The following SPDYE18 variants were observed in gnomAD, a reference collection of about 807,000 sequenced individuals.
SPDYE18 encodes speedy/RINGO cell cycle regulator family member E18, also known as speedy protein E18.
In SPDYE18, 6 loss-of-function variants were observed where a neutral mutation model predicts 44.9. The ratio of observed to expected loss-of-function variants is 0.13; its 90% CI spans 0.07 to 0.26. SPDYE18 has a LOEUF of 0.26. SPDYE18 is among the 10% of genes least tolerant of loss of function. SPDYE18 has a pLI of 1.00. For synonymous variants in SPDYE18, 35 were observed against 177.1 expected (o/e 0.20, Z 6.37); for missense variants, 121 against 463.2 (o/e 0.26, Z 6.78).
intron 1 of SPDYE18, among the ~76,000 whole-genome samples, chr7:77,062,095 TC>T (rs1380870132): frequency 7.2e-6 from 1 of 138,910 alleles, no homozygotes. Context: ...ACCATTGTGC[TC>T]CAGCCTGGGC....
chr7:77,060,355 G>T lies in SPDYE18; in HGVS notation c.158C>A (p.Ser53Ter), dbSNP rs1312478037. 7.8e-6 allele frequency: 12 copies of T among 1,535,240 alleles called. No individual in the cohort carries two copies. Among genetic ancestry groups the T allele is most frequent in the Non-Finnish European group, 1.0e-5 (12 of 1,146,846 alleles). Residue 53 changes from serine (S) to a stop codon, truncating the protein, a stop_gained and splice_region_variant, in exon 2 of 9, where the codon TCA (serine) becomes TAA (stop). Coordinates refer to ENST00000510091, the MANE Select transcript of SPDYE18 (RefSeq NM_001394953.1). LOFTEE classifies it high-confidence loss of function. The part of the protein sequence containing the change: ...EVVDDEVLGP[S>*]APGVDPSPPC... The stretch of plus-strand genomic sequence containing the variant: ...TCTTCTTCCACCAGTCCCCTCACCT[G>T]ATGGTCCCAACACTTCATCATCCAC...
At chr7:77,060,207 G>C in intron 2 of SPDYE18, 146 bp downstream of exon 2, 1 of 1,414,986 alleles carries the variant, frequency 7.1e-7, no homozygotes, top group Non-Finnish European at 9.3e-7. Context: ...ATATTGGCCA[G>C]GCTGGCCTTG....
chr7:77,056,985 C>T (rs1360646897), intron 4 of SPDYE18, among the ~76,000 whole-genome samples: 5 of 152,178 alleles, frequency 3.3e-5, no homozygotes, highest in Admixed American at 6.5e-5. Flanking sequence ...TGGATGGAGA[C>T]ACTTAGGTTT....
intron 3 of SPDYE18, among the ~76,000 whole-genome samples, chr7:77,058,501 CTTTTTTTTTTTTT>C (rs1158671945): frequency 3.6e-5 from 2 of 56,098 alleles, no homozygotes; most frequent in Non-Finnish European, 6.7e-5. Flanking sequence ...TTCCTTCCTT[CTTTTTTTTTTTTT>C]TTTTTTTTTT....
chr7:77,051,602 C>T lies in SPDYE18; in HGVS notation c.*323G>A, dbSNP rs1363441799. On this transcript the variant is annotated 3_prime_UTR_variant, in exon 9 of 9. Transcript: ENST00000510091. ...CCGGCCCAGGGAGGTTGGAATTCAG[C>T]AATATAGAAAGGGTGGTGGTGCCGC... Among the ~76,000 whole-genome samples, 1 of 152,250 alleles carries T rather than the reference C, an allele frequency of 6.6e-6. No individual in the cohort carries two copies. Among genetic ancestry groups the T allele is most frequent in the Non-Finnish European group, 1.5e-5 (1 of 68,038 alleles).
chr7:77,059,620 C>T (rs548684961), intron 2 of SPDYE18, among the ~76,000 whole-genome samples: 25 of 151,564 alleles, frequency 1.6e-4, no homozygotes, highest in African/African-American at 5.3e-4. Flanking sequence ...ATGTCCTTCC[C>T]TGGTCTCTGG....
Position 77,050,748 on chromosome 7 carries a change from G to T in SPDYE18, c.*1177C>A, listed in dbSNP as rs1251243324. Among the ~76,000 whole-genome samples the T allele has an allele frequency of 8.5e-5, 13 of 152,136 alleles. No homozygotes were observed. The highest frequency in any genetic ancestry group is 2.9e-4 in the African/African-American group (12 of 41,574). ...AAAGGTAAAAGATTTAGGATGAAAA[G>T]AATCCTCTCTTAAAAAGGAAAACAA... On this transcript the variant is annotated 3_prime_UTR_variant, in exon 9 of 9. Coordinates refer to ENST00000510091, the MANE Select transcript of SPDYE18 (RefSeq NM_001394953.1).
In SPDYE18 at chr7:77,060,610, G is replaced by A. The variant is rs2117327807; in HGVS notation, c.-98C>T. Reference sequence around the variant, plus strand: ...TGGAGAACAGCTCTGAGAAGATACTGTTGTCCAACTGATCTCCAGGCACCA... The same window carrying A: ...TGGAGAACAGCTCTGAGAAGATACTATTGTCCAACTGATCTCCAGGCACCA... On this transcript the variant is annotated 5_prime_UTR_variant, in exon 2 of 9. An upstream open reading frame in the 5' UTR gains an earlier in-frame stop. Transcript: ENST00000510091. The A allele has an allele frequency of 2.0e-6, 3 of 1,519,724 alleles. No individual in the cohort carries two copies. Among genetic ancestry groups the A allele is most frequent in the East Asian group, 2.5e-5 (1 of 40,662 alleles). 94.1% of individuals were successfully genotyped at this position (1,519,724 alleles called of 1,614,324 possible).
chr7:77,054,759 G>GT (rs1235549075), intron 6 of SPDYE18, among the ~76,000 whole-genome samples: 16 of 135,596 alleles, frequency 1.2e-4, no homozygotes, highest in African/African-American at 3.8e-4. Context: ...ATTGGAGTTT[G>GT]TTTTTTTGGC....
At chr7:77,059,084 G>C in intron 3 of SPDYE18, 96 bp downstream of exon 3, 1 of 1,556,412 alleles carries the variant, frequency 6.4e-7, no homozygotes, top group East Asian at 2.4e-5. Flanking sequence ...TCACCCACTG[G>C]GGGCGTATCT....
chr7:77,053,966 C>A (rs1437902927), intron 6 of SPDYE18, among the ~76,000 whole-genome samples: 1 of 149,494 alleles, frequency 6.7e-6, no homozygotes, highest in Non-Finnish European at 1.5e-5. Context: ...GCTATGATCT[C>A]ACCACTGCAC....
intron 6 of SPDYE18, among the ~76,000 whole-genome samples, chr7:77,054,401 G>A (rs1476222009): frequency 1.1e-4 from 17 of 148,410 alleles, no homozygotes; most frequent in African/African-American, 1.7e-4. Context: ...AAAGGCATCA[G>A]CTAAGGAAGT....
rs1452324733 is a variant in SPDYE18 at position 77,051,333 on chromosome 7, G to C, written c.*592C>G. ...CTATAACTCTCATCAAAAAACTACA[G>C]GAACAGCATGTTTTCAAAAGTACAA... On this transcript the variant is annotated 3_prime_UTR_variant, in exon 9 of 9. Transcript: ENST00000510091. Among the ~76,000 whole-genome samples, 11 of 152,338 alleles carry C rather than the reference G, an allele frequency of 7.2e-5. No homozygotes were observed. The highest frequency in any genetic ancestry group is 2.2e-4 in the African/African-American group (9 of 41,590).
rs1356812583 is a variant in SPDYE18, at chr7:77,057,746, AGGCTCAGG to A, written c.493_500del (p.Pro165Ter). Reference sequence around the variant, plus strand: ...GCATCTCCGCCACCCAGATCTCCTCAGGCTCAGGGGCGAGCACCTTCCGTGGCTCCTCC... The same window carrying A: ...GCATCTCCGCCACCCAGATCTCCTCAGGCGAGCACCTTCCGTGGCTCCTCC... On this transcript the variant is annotated frameshift_variant, in exon 4 of 9. Coordinates refer to ENST00000510091, the MANE Select transcript of SPDYE18 (RefSeq NM_001394953.1). LOFTEE classifies it high-confidence loss of function. 7.7e-7 allele frequency: 1 copy of A among 1,294,142 alleles called. No individual in the cohort carries two copies. Among genetic ancestry groups the A allele is most frequent in the African/African-American group, 1.5e-5 (1 of 67,108 alleles). The allele number at this position is 1,294,142 out of a possible 1,614,324, so 80.2% of individuals were successfully genotyped here. A position where few individuals can be genotyped will look rare whatever the true frequency, so the allele number is the denominator to read the frequency against.
chr7:77,060,831 T>C lies in SPDYE18; in HGVS notation c.-319A>G, dbSNP rs1472527883. ...CAAAAGCATCTTCAGGGACTCCACA[T>C]CCCTGTGTTCCCTGTCCCAGCAGAG... On this transcript the variant is annotated 5_prime_UTR_variant, in exon 2 of 9. An upstream start codon of the reference 5' UTR is lost. Transcript: ENST00000510091. 6.6e-6 allele frequency among the ~76,000 whole-genome samples: 1 copy of C among 151,146 alleles called. No homozygotes were observed. The highest frequency in any genetic ancestry group is 2.4e-5 in the African/African-American group (1 of 40,998).
At chr7:77,057,378 A>G (rs536245722) in intron 4 of SPDYE18, among the ~76,000 whole-genome samples, 15 of 152,072 alleles carry the variant, frequency 9.9e-5, no homozygotes, top group African/African-American at 2.7e-4. Context: ...CAGCCTCCCA[A>G]CGTGCTGGGA....
intron 3 of SPDYE18, among the ~76,000 whole-genome samples, chr7:77,058,529 C>T (rs866239731): frequency 8.5e-6 from 1 of 117,570 alleles, no homozygotes; most frequent in Non-Finnish European, 1.8e-5. Flanking sequence ...TTTTTTGAGA[C>T]AGCGTCTCAC....
chr7:77,053,563 G>C (rs1371792363), intron 6 of SPDYE18, among the ~76,000 whole-genome samples: 2 of 152,258 alleles, frequency 1.3e-5, no homozygotes, highest in Non-Finnish European at 2.9e-5. Context: ...AAATATGCCA[G>C]ACGCGGTGGC....
At chr7:77,052,369 T>C (rs1277700023) in intron 8 of SPDYE18, among the ~76,000 whole-genome samples, 1 of 152,168 alleles carries the variant, frequency 6.6e-6, no homozygotes. Flanking sequence ...AACCAAAGCT[T>C]CACTGAACCC....
Sources: gnomAD v4.1 joint callset for allele counts (sites outside exome capture counted in the v4.1 genomes callset) on GRCh38, gnomAD v4.1.1 for gene constraint, MANE v1.5 for transcripts, NCBI Gene and HGNC (gene_info 2026-07-23, HGNC 2026-07-21) for gene names.